The following ABI3BP variants were observed in gnomAD, a reference collection of about 807,000 sequenced individuals.
The protein encoded by ABI3BP is target of Nesh-SH3.
Under a neutral mutation model 268.6 loss-of-function variants are expected in ABI3BP, and 216 were observed. The ratio of observed to expected loss-of-function variants is 0.80; its 90% confidence interval spans 0.72 to 0.90. ABI3BP has a LOEUF of 0.90. ABI3BP is among the 40% of genes least tolerant of loss of function. The pLI is 0.00. For missense variants in ABI3BP, 2,090 were observed against 2,182.4 expected, an observed-to-expected ratio of 0.96 and a Z score of 0.84; for synonymous variants, 730 against 730.0, an observed-to-expected ratio of 1.00 and a Z score of 0.00.
chr3:100,836,362 A>T (rs145758434), intron 27 of ABI3BP, among the ~76,000 whole-genome samples: 1,526 of 152,304 alleles, frequency 0.01, 20 homozygotes, highest in African/African-American at 0.035. Context: ...ATCTCCATTT[A>T]TCTTTCACTA....
At chr3:100,813,163 G>C (rs1237093611) in intron 45 of ABI3BP, among the ~76,000 whole-genome samples, 1 of 152,172 alleles carries the variant, frequency 6.6e-6, no homozygotes, top group Admixed American at 6.5e-5. Context: ...TTACAGGTGT[G>C]AGCCACTATG....
intron 1 of ABI3BP, chr3:100,952,787 T>C (rs2153778164): frequency 6.7e-6 from 1 of 150,104 alleles, no homozygotes; most frequent in South Asian, 2.1e-4. Context: ...GAAAAGTATT[T>C]TTAGGAAGAA....
At chr3:100,796,289 T>C in intron 52 of ABI3BP, 120 bp downstream of exon 52, 2 of 726,876 alleles carry the variant, frequency 2.8e-6, no homozygotes, top group East Asian at 2.9e-5. Flanking sequence ...ATGCATTTTA[T>C]ACCCATATTT....
chr3:100,992,036 C>T (rs16843116), intron 1 of ABI3BP, among the ~76,000 whole-genome samples: 26,060 of 152,108 alleles, frequency 0.17, 2,524 homozygotes, highest in East Asian at 0.44. Flanking sequence ...ACTCTGAATG[C>T]TTGTGGCTCA....
chr3:100,864,366 T>C, intron 11 of ABI3BP: 1 of 419,472 alleles, frequency 2.4e-6, no homozygotes, highest in Non-Finnish European at 4.3e-6. Flanking sequence ...TAGATTCTCT[T>C]GGGCTAAGAA....
intron 1 of ABI3BP, among the ~76,000 whole-genome samples, chr3:100,987,984 T>A (rs2092243430): frequency 6.6e-6 from 1 of 152,234 alleles, no homozygotes; most frequent in Non-Finnish European, 1.5e-5. Flanking sequence ...TTTTTAAGCT[T>A]CTTTTTAGCA....
chr3:100,921,229 T>G (rs577362064), intron 2 of ABI3BP, among the ~76,000 whole-genome samples: 11 of 152,194 alleles, frequency 7.2e-5, no homozygotes, highest in Non-Finnish European at 1.0e-4. Flanking sequence ...GAATTTGTCA[T>G]AGTGAACACA....
intron 58 of ABI3BP, among the ~76,000 whole-genome samples, chr3:100,779,771 CA>C (rs58156555): frequency 4.0e-4 from 60 of 149,110 alleles, no homozygotes; most frequent in Admixed American, 1.3e-3. Context: ...TAATATCAGG[CA>C]AAAAAAAATT....
intron 36 of ABI3BP, 28 bp downstream of exon 36, chr3:100,824,829 AC>A (rs1346614252): frequency 2.0e-6 from 3 of 1,514,304 alleles, no homozygotes; most frequent in African/African-American, 2.8e-5. Context: ...GCCAGGGATC[AC>A]CCTTAAACCA....
chr3:100,898,841 T>C lies in ABI3BP; in HGVS notation c.382A>G (p.Ser128Gly). The C allele has an allele frequency of 6.2e-7, 1 of 1,613,600 alleles. No individual in the cohort carries two copies. Among genetic ancestry groups the C allele is most frequent in the South Asian group, 1.1e-5 (1 of 90,950 alleles). ...LQLVVGTLTP[S>G]SVFLSWGFLI... ...AAACCCCAGGACAGGAAGACCGAGC[T>C]CGGTGTCAGAGTGCCAACCACCAGC... Residue 128 changes from serine to glycine, a missense_variant, in exon 4 of 68, where the codon AGC (serine) becomes GGC (glycine). Physicochemically the swap from Ser to Gly is moderately conservative, Grantham distance 56 (BLOSUM62 0). Coordinates refer to ENST00000471714, the MANE Select transcript of ABI3BP (RefSeq NM_001375547.2).
At chr3:100,861,151 C>T (rs1184024141) in intron 14 of ABI3BP, among the ~76,000 whole-genome samples, 1 of 152,168 alleles carries the variant, frequency 6.6e-6, no homozygotes, top group African/African-American at 2.4e-5. Flanking sequence ...TGAGGCTTCT[C>T]TGGATAAGCG....
At chr3:100,839,469 G>T in intron 24 of ABI3BP, 100 bp downstream of exon 24, 1 of 1,234,262 alleles carries the variant, frequency 8.1e-7, no homozygotes, top group Non-Finnish European at 1.1e-6. Context: ...GGATGAAACT[G>T]TGATGAGGTG....
chr3:100,816,308 G>T, intron 43 of ABI3BP: 1 of 444,962 alleles, frequency 2.2e-6, no homozygotes, highest in Non-Finnish European at 4.0e-6. Flanking sequence ...ATATATGAAA[G>T]TAACTTGTTG....
At chr3:100,926,546 C>T in intron 1 of ABI3BP, 65 bp from the exon 2 acceptor site, 2 of 1,464,300 alleles carry the variant, frequency 1.4e-6, no homozygotes, top group Non-Finnish European at 1.9e-6. Flanking sequence ...ACCCAACTTC[C>T]CAGCAAGTGT....
At chr3:100,838,925 T>C (rs895803386) in intron 24 of ABI3BP, among the ~76,000 whole-genome samples, 2 of 152,200 alleles carry the variant, frequency 1.3e-5, no homozygotes, top group African/African-American at 2.4e-5. Flanking sequence ...AAAGCCATGA[T>C]AGATTTTGAG....
chr3:100,838,139 G>T, intron 26 of ABI3BP, 71 bp downstream of exon 26: 1 of 1,427,312 alleles, frequency 7.0e-7, no homozygotes, highest in South Asian at 1.2e-5. Flanking sequence ...TGATATGACA[G>T]ATTGGAAACA....
intron 20 of ABI3BP, chr3:100,844,578 G>T: frequency 2.7e-6 from 1 of 364,228 alleles, no homozygotes; most frequent in Non-Finnish European, 3.8e-6. Context: ...TCCAAACCTT[G>T]GCTAGAAAGA....
intron 6 of ABI3BP, among the ~76,000 whole-genome samples, chr3:100,880,821 T>G (rs2099221343): frequency 6.6e-6 from 1 of 152,184 alleles, no homozygotes; most frequent in South Asian, 2.1e-4. Context: ...TAGTGATAAC[T>G]AAGGATGTTA....
intron 6 of ABI3BP, among the ~76,000 whole-genome samples, chr3:100,877,298 C>A (rs1240785454): frequency 6.6e-6 from 1 of 152,310 alleles, no homozygotes; most frequent in Middle Eastern, 3.4e-3. Context: ...CCAATTGCTG[C>A]TGCTGCTGCT....
Sources: allele counts gnomAD v4.1 joint callset (sites outside exome capture counted in the v4.1 genomes callset), GRCh38; gene constraint gnomAD v4.1.1; transcripts MANE v1.5; gene names NCBI Gene and HGNC (gene_info 2026-07-23, HGNC 2026-07-21).